TNFSF13B: variants seen among roughly 807,000 people sequenced by gnomAD.
TNFSF13B encodes the protein tumor necrosis factor ligand superfamily member 13B.
Under a neutral mutation model 29.1 loss-of-function variants are expected in TNFSF13B, and 8 were observed. The observed-to-expected ratio is 0.27, with a 90% CI of 0.16 to 0.50. TNFSF13B has a LOEUF of 0.50. TNFSF13B is among the 20% of genes least tolerant of loss of function. The pLI is 0.98. For synonymous variants in TNFSF13B, 125 were observed against 130.8 expected, an observed-to-expected ratio of 0.96 and a Z score of 0.30; for missense variants, 248 against 334.9, an observed-to-expected ratio of 0.74 and a Z score of 2.03.
intron 2 of TNFSF13B, 97 bp downstream of exon 2, chr13:108,270,521 T>A: frequency 8.7e-7 from 1 of 1,154,602 alleles, no homozygotes; most frequent in Non-Finnish European, 1.3e-6. Context: ...ATGAACCTAT[T>A]AAATAGAGAC....
intron 2 of TNFSF13B, among the ~76,000 whole-genome samples, chr13:108,271,824 T>C (rs1166245478): frequency 1.3e-5 from 2 of 152,166 alleles, no homozygotes; most frequent in Admixed American, 6.5e-5. Context: ...TCTGTATTAA[T>C]TTATCTAACA....
At chr13:108,277,048 T>G (rs1194862846) in intron 2 of TNFSF13B, among the ~76,000 whole-genome samples, 1 of 152,168 alleles carries the variant, frequency 6.6e-6, no homozygotes, top group African/African-American at 2.4e-5. Context: ...TGCAAATATC[T>G]GAGGTAGGCA....
intron 3 of TNFSF13B, among the ~76,000 whole-genome samples, chr13:108,290,107 T>C (rs561703801): frequency 2.6e-5 from 4 of 152,284 alleles, no homozygotes; most frequent in Non-Finnish European, 5.9e-5. Flanking sequence ...TCCTTTCTTA[T>C]AGTAAACACT....
chr13:108,273,632 C>T (rs1265998104), intron 2 of TNFSF13B, among the ~76,000 whole-genome samples: 2 of 152,160 alleles, frequency 1.3e-5, no homozygotes, highest in African/African-American at 4.8e-5. Context: ...GCTTAAAACA[C>T]CATGTGATGC....
chr13:108,304,145 G>C (rs1015708635), intron 5 of TNFSF13B, among the ~76,000 whole-genome samples: 4 of 152,132 alleles, frequency 2.6e-5, no homozygotes, highest in African/African-American at 7.2e-5. Context: ...GTCTGGCTCC[G>C]CACCGGGAGC....
chr13:108,302,469 A>T (rs1881653259), intron 3 of TNFSF13B, among the ~76,000 whole-genome samples: 1 of 152,130 alleles, frequency 6.6e-6, no homozygotes, highest in Admixed American at 6.5e-5. Context: ...ACAGGAAAGG[A>T]ATGTCTCTGC....
intron 2 of TNFSF13B, among the ~76,000 whole-genome samples, chr13:108,285,694 A>T (rs1881107850): frequency 6.6e-6 from 1 of 152,196 alleles, no homozygotes; most frequent in African/African-American, 2.4e-5. Context: ...GCTAATCTCC[A>T]TACAATCACC....
intron 3 of TNFSF13B, chr13:108,302,811 G>A (rs2139070144): frequency 1.0e-6 from 1 of 986,220 alleles, no homozygotes; most frequent in South Asian, 4.7e-5. Flanking sequence ...CCAAGGAATG[G>A]AGAGATTTCT....
chr13:108,303,270 C>T lies in TNFSF13B; in HGVS notation c.499C>T (p.Pro167Ser). The T allele has an allele frequency of 1.2e-6, 2 of 1,612,140 alleles. No homozygotes were observed. Among genetic ancestry groups the T allele is most frequent in the Non-Finnish European group, 1.7e-6 (2 of 1,179,046 alleles). Reference sequence around the variant, plus strand: ...CATTGCAGGATCTTACACATTTGTTCCATGGCTTCTCAGCTTTAAAAGGGG... The same window carrying T: ...CATTGCAGGATCTTACACATTTGTTTCATGGCTTCTCAGCTTTAAAAGGGG... ...TIQKGSYTFV[P>S]WLLSFKRGSA... The change falls in exon 4 of 6, where the codon CCA (proline) becomes TCA (serine). Residue 167 changes from proline (P) to serine (S), a missense_variant. Coordinates refer to ENST00000375887, the MANE Select transcript of TNFSF13B (RefSeq NM_006573.5).
At chr13:108,298,271 G>T (rs1410973874) in intron 3 of TNFSF13B, among the ~76,000 whole-genome samples, 1 of 144,474 alleles carries the variant, frequency 6.9e-6, no homozygotes, top group Non-Finnish European at 1.5e-5. Flanking sequence ...ATCTAAAATG[G>T]CTCTAAAAAT....
intron 5 of TNFSF13B, among the ~76,000 whole-genome samples, chr13:108,305,099 A>G (rs1881731018): frequency 6.6e-6 from 1 of 152,196 alleles, no homozygotes. Context: ...CTTTTTAAGA[A>G]TAATTCACCG....
intron 2 of TNFSF13B, among the ~76,000 whole-genome samples, chr13:108,276,308 T>C (rs1281459174): frequency 6.6e-6 from 1 of 152,230 alleles, no homozygotes. Flanking sequence ...TTATTTTTTC[T>C]TTCCCCCTGC....
chr13:108,277,815 G>A (rs949108067), intron 2 of TNFSF13B, among the ~76,000 whole-genome samples: 3 of 152,048 alleles, frequency 2.0e-5, no homozygotes, highest in Non-Finnish European at 4.4e-5. Flanking sequence ...GTCACTCCTC[G>A]CCATCTTGGT....
intron 3 of TNFSF13B, among the ~76,000 whole-genome samples, chr13:108,292,990 C>T (rs1349406115): frequency 6.6e-6 from 1 of 152,060 alleles, no homozygotes; most frequent in Non-Finnish European, 1.5e-5. Context: ...CATTGAAGAA[C>T]TCATTGCCAA....
chr13:108,278,587 CT>C (rs1566399281), intron 2 of TNFSF13B, among the ~76,000 whole-genome samples: 56 of 122,914 alleles, frequency 4.6e-4, no homozygotes, highest in Non-Finnish European at 5.8e-4. Context: ...TCTCCTCCTC[CT>C]CCCCTTCTCT....
In TNFSF13B at chr13:108,294,381, T is replaced by C. The variant is rs1399185259; in HGVS notation, c.481+7522T>C. On this transcript the variant is annotated intron_variant, in intron 3 of 5. Coordinates refer to ENST00000375887, the MANE Select transcript of TNFSF13B (RefSeq NM_006573.5). ...TTTCAGTAGAAACAGGGTTTCACCA[T>C]GTTGGCCAGACTGATCTCGAACTTC... is the stretch of plus-strand genomic sequence containing the variant. 1.8e-4 allele frequency among the ~76,000 whole-genome samples: 27 copies of C among 152,166 alleles called. No homozygotes were observed. The East Asian group carries it at 5.2e-3, about 30-fold the overall frequency.
At chr13:108,279,668 A>G (rs1880876640) in intron 2 of TNFSF13B, among the ~76,000 whole-genome samples, 1 of 152,194 alleles carries the variant, frequency 6.6e-6, no homozygotes, top group Non-Finnish European at 1.5e-5. Flanking sequence ...ATTTGCACTT[A>G]GAAAGATAAT....
chr13:108,289,551 A>G (rs1387079092), intron 3 of TNFSF13B, among the ~76,000 whole-genome samples: 2 of 147,956 alleles, frequency 1.4e-5, no homozygotes, highest in Non-Finnish European at 3.0e-5. Context: ...TTAGCATATT[A>G]TATGTAATTA....
At chr13:108,293,412 T>C (rs1881381605) in intron 3 of TNFSF13B, among the ~76,000 whole-genome samples, 1 of 152,214 alleles carries the variant, frequency 6.6e-6, no homozygotes, top group African/African-American at 2.4e-5. Flanking sequence ...TTTGATACTC[T>C]TTTGCAATAA....
Sources: allele counts gnomAD v4.1 joint callset (sites outside exome capture counted in the v4.1 genomes callset), GRCh38; gene constraint gnomAD v4.1.1; transcripts MANE v1.5; gene names NCBI Gene and HGNC (gene_info 2026-07-23, HGNC 2026-07-21).